The following ZNF536 variants were observed in gnomAD, a reference collection of about 807,000 sequenced individuals.
The protein encoded by ZNF536 is zinc finger protein 536.
In ZNF536, 13 loss-of-function variants were observed where a neutral mutation model predicts 84.5. The ratio of observed to expected loss-of-function variants is 0.15; its 90% confidence interval spans 0.10 to 0.24. The LOEUF (loss-of-function observed/expected upper bound fraction) is 0.24, where lower values mean the gene tolerates loss of function less well. Ranked by LOEUF, ZNF536 falls within the 10% of genes least tolerant of loss-of-function variation. The pLI is 1.00. For synonymous variants in ZNF536, 811 were observed against 742.5 expected (o/e 1.09, Z -1.50); for missense variants, 1,536 against 1,747.5 (o/e 0.88, Z 2.16).
rs2146205348 is a variant in ZNF536 at position 30,548,525 on chromosome 19, A to T, written c.2906A>T (p.Glu969Val). Residue 969 changes from glutamate (E) to valine (V), a missense_variant, in exon 4 of 5, where the codon GAG becomes GTG. This residue lies in a region of ZNF536 where 624 missense variants were observed against 603.1 expected (regional missense o/e 1.03). Transcript: ENST00000355537. The stretch of plus-strand genomic sequence containing the variant: ...GGCAAGTCCTCCCAGAGGAAGTCCG[A>T]GAAATCTCAGTATGAACCCCTGGAC... ...PSGKSSQRKS[E>V]KSQYEPLDLS... The T allele has an allele frequency of 1.9e-6, 3 of 1,614,150 alleles. No homozygotes were observed. The highest frequency in any genetic ancestry group is 2.5e-6 in the Non-Finnish European group (3 of 1,180,036).
intron 1 of ZNF536, among the ~76,000 whole-genome samples, chr19:30,403,549 C>A (rs2050140628): frequency 6.6e-6 from 1 of 152,188 alleles, no homozygotes; most frequent in Non-Finnish European, 1.5e-5. Context: ...CTTCTTTCTG[C>A]TGAAATCCAA....
intron 1 of ZNF536, among the ~76,000 whole-genome samples, chr19:30,231,285 T>C (rs1387060049): frequency 6.6e-6 from 1 of 152,210 alleles, no homozygotes; most frequent in Non-Finnish European, 1.5e-5. Context: ...TCAGCCTATC[T>C]CCAAGTGAGG....
At chr19:30,381,109 C>G (rs1245730885) in intron 1 of ZNF536, among the ~76,000 whole-genome samples, 2 of 152,164 alleles carry the variant, frequency 1.3e-5, no homozygotes, top group Non-Finnish European at 2.9e-5. Context: ...AACTCCTGGC[C>G]TCAAGCTATC....
Position 30,557,165 on chromosome 19 carries a change from C to A in ZNF536, c.*1C>A, listed in dbSNP as rs772483123. On this transcript the variant is annotated 3_prime_UTR_variant, in exon 5 of 5. Transcript: ENST00000355537. The stretch of plus-strand genomic sequence containing the variant: ...TGCACATTTTCTTGCAGGTAAGTGA[C>A]ACTCCCTGTCCTAGTCGGTCTATCT... 4.3e-6 allele frequency: 7 copies of A among 1,613,504 alleles called. No homozygotes were observed. Among genetic ancestry groups the A allele is most frequent in the African/African-American group, 1.3e-5 (1 of 74,906 alleles).
intron 1 of ZNF536, among the ~76,000 whole-genome samples, chr19:30,436,787 T>G (rs1944510477): frequency 6.6e-6 from 1 of 152,190 alleles, no homozygotes; most frequent in South Asian, 2.1e-4. Context: ...GAGGGTCACG[T>G]GAGCCTCCAG....
chr19:30,414,778 C>T (rs1261171246), intron 1 of ZNF536, among the ~76,000 whole-genome samples: 4 of 152,098 alleles, frequency 2.6e-5, no homozygotes, highest in Admixed American at 2.6e-4. Flanking sequence ...TATTTTATTT[C>T]CTCTGTTGTA....
chr19:30,498,789 G>A (rs2054825867), intron 2 of ZNF536, among the ~76,000 whole-genome samples: 1 of 152,082 alleles, frequency 6.6e-6, no homozygotes. Flanking sequence ...TTCACAGTGG[G>A]GGACAGGAGC....
chr19:30,325,828 G>GTCAC (rs1295311830), intron 2 of ZNF536, among the ~76,000 whole-genome samples: 2 of 152,264 alleles, frequency 1.3e-5, no homozygotes, highest in East Asian at 3.9e-4. Context: ...CTGCACCTTG[G>GTCAC]TCACAGGCAC....
chr19:30,458,700 C>A (rs1283729075), intron 2 of ZNF536, among the ~76,000 whole-genome samples: 4 of 152,188 alleles, frequency 2.6e-5, no homozygotes, highest in Non-Finnish European at 5.9e-5. Flanking sequence ...GATCCGGCCA[C>A]CTCAGCCTCC....
intron 1 of ZNF536, among the ~76,000 whole-genome samples, chr19:30,375,156 G>A (rs1227082157): frequency 6.7e-6 from 1 of 150,158 alleles, no homozygotes. Context: ...GCAGGAACGC[G>A]AGCCCCGCCG....
At chr19:30,399,171 T>C (rs2049944019) in intron 1 of ZNF536, among the ~76,000 whole-genome samples, 3 of 152,268 alleles carry the variant, frequency 2.0e-5, no homozygotes, top group South Asian at 4.1e-4. Flanking sequence ...TGACCAGTGA[T>C]GATGAGCTTT....
chr19:30,595,459 T>A (rs948624513), intron 1 of ZNF536, among the ~76,000 whole-genome samples: 4 of 152,064 alleles, frequency 2.6e-5, no homozygotes, highest in African/African-American at 4.8e-5. Context: ...GGCTATTTTT[T>A]AATTTTTTTG....
At chr19:30,466,746 AAGAAAGGAGG>A in intron 2 of ZNF536, among the ~76,000 whole-genome samples, 1 of 74,950 alleles carries the variant, frequency 1.3e-5, no homozygotes, top group African/African-American at 7.2e-5. Context: ...GGAGGGAAGG[AAGAAAGGAGG>A]GAAGGAAGGA....
intron 1 of ZNF536, among the ~76,000 whole-genome samples, chr19:30,616,386 A>G (rs753013227): frequency 2.0e-5 from 3 of 152,200 alleles, no homozygotes; most frequent in Admixed American, 6.5e-5. Flanking sequence ...TAAATTTATA[A>G]ATGCCTCTTA....
chr19:30,450,325 G>T (rs184705715), intron 2 of ZNF536, among the ~76,000 whole-genome samples: 181 of 152,264 alleles, frequency 1.2e-3, no homozygotes, highest in African/African-American at 2.2e-3. Flanking sequence ...GGGCTGGAGG[G>T]GGGGAGAGGG....
intron 1 of ZNF536, among the ~76,000 whole-genome samples, chr19:30,707,449 G>A (rs2052287773): frequency 6.6e-6 from 1 of 152,184 alleles, no homozygotes; most frequent in South Asian, 2.1e-4. Flanking sequence ...AGGGTGGCAA[G>A]ACAGCAAATG....
chr19:30,282,891 CT>C (rs1249661937), intron 1 of ZNF536, among the ~76,000 whole-genome samples: 3 of 152,164 alleles, frequency 2.0e-5, no homozygotes, highest in Non-Finnish European at 4.4e-5. Context: ...TCAGGTTTTG[CT>C]TTATGTCTCA....
chr19:30,562,273 TAGGGCC>T (rs2046198113), downstream of ZNF536, among the ~76,000 whole-genome samples: 1 of 152,104 alleles, frequency 6.6e-6, no homozygotes, highest in Non-Finnish European at 1.5e-5. Context: ...CCCATACCAG[TAGGGCC>T]CCTGGGATAT....
intron 2 of ZNF536, among the ~76,000 whole-genome samples, chr19:30,448,348 G>A (rs2052447258): frequency 6.6e-6 from 1 of 152,102 alleles, no homozygotes; most frequent in Non-Finnish European, 1.5e-5. Context: ...AGTTTGACTT[G>A]TATAGAAGTG....
Sources: allele counts gnomAD v4.1 joint callset (sites outside exome capture counted in the v4.1 genomes callset), GRCh38; gene constraint gnomAD v4.1.1; regional missense constraint gnomAD v4.1.1; transcripts MANE v1.5; gene names NCBI Gene and HGNC (gene_info 2026-07-23, HGNC 2026-07-21).